The following PPP1R1B variants were observed in gnomAD, a reference collection of about 807,000 sequenced individuals.
PPP1R1B encodes the protein protein phosphatase 1 regulatory inhibitor subunit 1B.
PPP1R1B carries 13 observed loss-of-function variants against 28.2 expected under a neutral mutation model. That is an observed-to-expected ratio of 0.46 (90% CI 0.30 to 0.73). The LOEUF is 0.73. Ranked by LOEUF, PPP1R1B falls within the 30% of genes least tolerant of loss-of-function variation. The pLI is 0.07. For synonymous variants in PPP1R1B, 102 were observed against 97.5 expected, an observed-to-expected ratio of 1.05 and a Z score of -0.27; for missense variants, 236 against 256.7, an observed-to-expected ratio of 0.92 and a Z score of 0.55.
chr17:39,627,465 G>T lies in PPP1R1B; in HGVS notation c.73G>T (p.Val25Leu). 6.3e-7 allele frequency: 1 copy of T among 1,582,534 alleles called. No homozygotes were observed. Among genetic ancestry groups the T allele is most frequent in the East Asian group, 2.3e-5 (1 of 43,724 alleles). ...CCCTAGCCAGCTCGACCCCCGCCAG[G>T]TGGAGATGGTAAGGGGCCCGTGCCC... ...APPSQLDPRQ[V>L]EMIRRRRPTP... The change falls in exon 1 of 7, where the codon GTG becomes TTG. Residue 25 changes from valine (V) to leucine (L), a missense_variant. Val to Leu is a conservative substitution (Grantham distance 32, BLOSUM62 1). Transcript: ENST00000254079.
chr17:39,633,097 C>T (rs1243266386), intron 4 of PPP1R1B: 1 of 152,650 alleles, frequency 6.6e-6, no homozygotes, highest in Non-Finnish European at 1.5e-5. Flanking sequence ...CTTTTGGAAA[C>T]TTGTCTCCAG....
intron 5 of PPP1R1B, among the ~76,000 whole-genome samples, chr17:39,635,164 C>A (rs1446640833): frequency 1.3e-5 from 2 of 152,098 alleles, no homozygotes; most frequent in Non-Finnish European, 2.9e-5. Context: ...CCACTGCACT[C>A]CAGCCTGGGC....
chr17:39,630,977 G>A (rs751728768), intron 4 of PPP1R1B, among the ~76,000 whole-genome samples: 18 of 152,176 alleles, frequency 1.2e-4, no homozygotes, highest in Non-Finnish European at 2.2e-4. Context: ...GCTGAGGCAG[G>A]AGAATCACTT....
intron 5 of PPP1R1B, among the ~76,000 whole-genome samples, chr17:39,634,629 C>G (rs966537846): frequency 6.6e-6 from 1 of 152,212 alleles, no homozygotes; most frequent in Admixed American, 6.5e-5. Context: ...CAAGAACCAG[C>G]CCGGCCCATT....
rs563917948 is a variant in PPP1R1B at position 39,630,054 on chromosome 17, T to A, written c.241+7T>A. On this transcript the variant is annotated splice_region_variant and intron_variant, in intron 4 of 6. Transcript: ENST00000254079. ...ACACCACCTTCGCTGAAAGGTACTATACCCCCACCGACCTTCCTGGCTGTC... is the reference window on the plus strand; with the variant it reads ...ACACCACCTTCGCTGAAAGGTACTAAACCCCCACCGACCTTCCTGGCTGTC... The A allele has an allele frequency of 5.0e-6, 8 of 1,613,542 alleles. No individual in the cohort carries two copies. The highest frequency in any genetic ancestry group is 1.3e-5 in the African/African-American group (1 of 74,934).
Position 39,627,311 on chromosome 17 carries a change from C to G in PPP1R1B, c.-82C>G, listed in dbSNP as rs1311839668. ...CTCCTCCTCTCGCCGCACAGCCCGC[C>G]GCCTGCGCGGGGGAGCCCAGCACAG... On this transcript the variant is annotated 5_prime_UTR_variant, in exon 1 of 7. Coordinates refer to ENST00000254079, the MANE Select transcript of PPP1R1B (RefSeq NM_032192.4). The G allele has an allele frequency of 7.5e-6, 7 of 933,420 alleles. No individual in the cohort carries two copies. Among genetic ancestry groups the G allele is most frequent in the Non-Finnish European group, 1.1e-5 (7 of 641,614 alleles). 57.8% of individuals were successfully genotyped at this position (933,420 alleles called of 1,614,324 possible).
intron 3 of PPP1R1B, 180 bp from the exon 4 acceptor site, chr17:39,629,792 G>T: frequency 1.3e-6 from 1 of 777,452 alleles, no homozygotes. Context: ...CCTGAACCAG[G>T]CCATGGCTTA....
chr17:39,627,774 C>T (rs1377245335), intron 1 of PPP1R1B, among the ~76,000 whole-genome samples: 1 of 152,036 alleles, frequency 6.6e-6, no homozygotes, highest in Non-Finnish European at 1.5e-5. Flanking sequence ...GTGGGGGCGT[C>T]CTTTGGTCCC....
chr17:39,634,217 G>A (rs746851884), intron 5 of PPP1R1B, 131 bp downstream of exon 5: 60 of 1,190,572 alleles, frequency 5.0e-5, no homozygotes, highest in East Asian at 1.4e-4. Flanking sequence ...CTGTCTTCTC[G>A]CTCCATGGGG....
chr17:39,635,863 T>G lies in PPP1R1B; in HGVS notation c.613T>G (p.Ter205GluextTer42). ...QRPSPSEPGT[*>E] ...CCCTTCCCCCTCTGAGCCTGGCACA[T>G]AGGCACCCAGCCTGCATCTCCCAGG... Residue 205 changes from the stop codon to glutamate, a stop_lost, in exon 7 of 7, where the codon TAG becomes GAG. Transcript: ENST00000254079. 1 of 1,612,726 alleles carries G rather than the reference T, an allele frequency of 6.2e-7. No individual in the cohort carries two copies. Among genetic ancestry groups the G allele is most frequent in the South Asian group, 1.1e-5 (1 of 90,988 alleles).
chr17:39,631,867 T>C (rs2056880508), intron 4 of PPP1R1B, among the ~76,000 whole-genome samples: 1 of 151,902 alleles, frequency 6.6e-6, no homozygotes, highest in Admixed American at 6.5e-5. Flanking sequence ...GGACAGAGTG[T>C]CATCTTCTCA....
At position 39,630,066 on chromosome 17, in the gene PPP1R1B, C is replaced by G; in HGVS notation, c.241+19C>G. On this transcript the variant is annotated intron_variant, in intron 4 of 6. Transcript: ENST00000254079. The stretch of plus-strand genomic sequence containing the variant: ...CTGAAAGGTACTATACCCCCACCGA[C>G]CTTCCTGGCTGTCCGCCTGATCCCT... 6.2e-7 allele frequency: 1 copy of G among 1,612,066 alleles called. No individual in the cohort carries two copies.
chr17:39,631,030 T>C (rs1449141638), intron 4 of PPP1R1B, among the ~76,000 whole-genome samples: 1 of 151,786 alleles, frequency 6.6e-6, no homozygotes, highest in East Asian at 2.0e-4. Flanking sequence ...GATCGCACCA[T>C]TGCACTCCAG....
At chr17:39,631,453 T>C (rs2056876915) in intron 4 of PPP1R1B, among the ~76,000 whole-genome samples, 1 of 152,156 alleles carries the variant, frequency 6.6e-6, no homozygotes, top group African/African-American at 2.4e-5. Flanking sequence ...GAGATATACC[T>C]GAAGGACATA....
Position 39,633,529 on chromosome 17 carries a change from C to T in PPP1R1B, c.242-354C>T, listed in dbSNP as rs116072856. The T allele has an allele frequency of 5.3e-3, 1,306 of 245,284 alleles. 19 individuals are homozygous for T. The highest frequency in any genetic ancestry group is 0.026 in the African/African-American group (1,182 of 45,152). 15.2% of individuals were successfully genotyped at this position (245,284 alleles called of 1,614,324 possible). ...CTTGAAGCTGGGAGACACTGTCTCC[C>T]GTACTGGGTACTTGGAAAATCAAGC... On this transcript the variant is annotated intron_variant, in intron 4 of 6. Transcript: ENST00000254079.
At chr17:39,634,179 A>T in intron 5 of PPP1R1B, 93 bp downstream of exon 5, 4 of 1,515,046 alleles carry the variant, frequency 2.6e-6, no homozygotes, top group Non-Finnish European at 3.6e-6. Flanking sequence ...TCATACACGC[A>T]AACTGTAGTG....
chr17:39,629,711 T>A, intron 3 of PPP1R1B, 149 bp downstream of exon 3: 1 of 816,706 alleles, frequency 1.2e-6, no homozygotes, highest in Non-Finnish European at 1.9e-6. Flanking sequence ...GAGTGCCTCA[T>A]GCCAGGGTGC....
In PPP1R1B at chr17:39,627,437, GC is replaced by G; in HGVS notation, c.50del (p.Pro17LeufsTer11). 1 of 1,600,824 alleles carries G rather than the reference GC, an allele frequency of 6.2e-7. No individual in the cohort carries two copies. Among genetic ancestry groups the G allele is most frequent in the Non-Finnish European group, 8.5e-7 (1 of 1,175,226 alleles). On this transcript the variant is annotated frameshift_variant, in exon 1 of 7. Transcript: ENST00000254079. LOFTEE classifies it high-confidence loss of function. ...AGAAGATCCAGTTCTCGGTGCCCGC[GC>G]CCCCTAGCCAGCTCGACCCCCGCCA... ...RKKIQFSVPA[P>X]PSQLDPRQVE... is the part of the protein sequence containing the mutation.
rs192463564 is a variant in PPP1R1B at position 39,630,835 on chromosome 17, C to T, written c.241+788C>T. Among the ~76,000 whole-genome samples the T allele has an allele frequency of 2.7e-3, 408 of 152,292 alleles. 1 individual carries two copies. The highest frequency in any genetic ancestry group is 9.0e-3 in the African/African-American group (376 of 41,562). On this transcript the variant is annotated intron_variant, in intron 4 of 6. Transcript: ENST00000254079. Reference sequence around the variant, plus strand: ...CTGTAATCCCAGCACTTTGGGAGGCCGAGGCGGGCAGATCACCTGAGGTCA... The same window carrying T: ...CTGTAATCCCAGCACTTTGGGAGGCTGAGGCGGGCAGATCACCTGAGGTCA...
Sources: gnomAD v4.1 joint callset for allele counts (sites outside exome capture counted in the v4.1 genomes callset) on GRCh38, gnomAD v4.1.1 for gene constraint, MANE v1.5 for transcripts, NCBI Gene and HGNC (gene_info 2026-07-23, HGNC 2026-07-21) for gene names.